The following ELK3 variants were observed in gnomAD, a reference collection of about 807,000 sequenced individuals.
ELK3 encodes the protein ETS domain-containing protein Elk-3.
A neutral mutation model predicts 28.9 loss-of-function variants in ELK3; 10 were observed. The ratio of observed to expected loss-of-function variants is 0.35; its 90% CI spans 0.21 to 0.59. ELK3 has a LOEUF of 0.59. Among genes scored for constraint, ELK3 ranks in the 20% least tolerant of loss-of-function variants. The probability of loss-of-function intolerance (pLI) is 0.82; values close to 1 mark genes in which losing one functional copy is unlikely to be tolerated. For missense variants in ELK3, 463 were observed against 517.3 expected, an observed-to-expected ratio of 0.90 and a Z score of 1.02; for synonymous variants, 272 against 243.5, an observed-to-expected ratio of 1.12 and a Z score of -1.09.
At chr12:96,197,986 C>T (rs2136996652) in intron 1 of ELK3, 1 of 152,232 alleles carries the variant, frequency 6.6e-6, no homozygotes. Context: ...TTTGTGTGTT[C>T]TGTGGGACCC....
At chr12:96,237,745 A>C (rs1160906922) in intron 2 of ELK3, among the ~76,000 whole-genome samples, 1 of 152,254 alleles carries the variant, frequency 6.6e-6, no homozygotes, top group Non-Finnish European at 1.5e-5. Context: ...CGTGCCTGTG[A>C]ATAGCCACTG....
intron 4 of ELK3, among the ~76,000 whole-genome samples, chr12:96,261,948 A>T (rs763423812): frequency 6.6e-6 from 1 of 152,172 alleles, no homozygotes; most frequent in Non-Finnish European, 1.5e-5. Flanking sequence ...GGTGAGTTAA[A>T]ATAAAGATTG....
chr12:96,206,392 C>G (rs1028861242), intron 1 of ELK3, among the ~76,000 whole-genome samples: 15 of 151,984 alleles, frequency 9.9e-5, no homozygotes, highest in Admixed American at 9.8e-4. Flanking sequence ...TCTCGGCTCA[C>G]CACAACTTCC....
At chr12:96,248,669 C>T (rs906692620) in intron 3 of ELK3, among the ~76,000 whole-genome samples, 3 of 152,120 alleles carry the variant, frequency 2.0e-5, no homozygotes, top group Admixed American at 2.0e-4. Flanking sequence ...GCATTGTTAA[C>T]CGTGGAGCTG....
chr12:96,233,419 C>T (rs1032444153), intron 2 of ELK3, among the ~76,000 whole-genome samples: 6 of 152,282 alleles, frequency 3.9e-5, no homozygotes, highest in Middle Eastern at 3.4e-3. Flanking sequence ...AAAATCCTCC[C>T]GTCTCCACAG....
chr12:96,223,625 A>G lies in ELK3; in HGVS notation c.59A>G (p.His20Arg), dbSNP rs762463518. Residue 20 changes from histidine to arginine, a missense_variant, in exon 2 of 5, where the codon CAT (histidine) becomes CGT (arginine). His to Arg is a conservative substitution (Grantham distance 29). Coordinates refer to ENST00000228741, the MANE Select transcript of ELK3 (RefSeq NM_005230.4). The stretch of plus-strand genomic sequence containing the variant: ...TTGCAGTTGCTGCTGGATCAGAAAC[A>G]TGAGCATTTGATCTGCTGGACCTCG... ...FLLQLLLDQK[H>R]EHLICWTSND... 5.0e-6 allele frequency: 8 copies of G among 1,614,196 alleles called. No individual in the cohort carries two copies. The East Asian group carries it at 1.1e-4, about 22-fold the overall frequency.
chr12:96,265,278 A>G (rs184591179), intron 4 of ELK3, among the ~76,000 whole-genome samples: 21 of 152,346 alleles, frequency 1.4e-4, no homozygotes, highest in Non-Finnish European at 2.8e-4. Flanking sequence ...TACAGAAATA[A>G]TAAGGGCAGA....
intron 1 of ELK3, among the ~76,000 whole-genome samples, chr12:96,203,487 G>A (rs1452390774): frequency 3.3e-5 from 5 of 152,174 alleles, no homozygotes; most frequent in African/African-American, 4.8e-5. Flanking sequence ...GGCACTCAAT[G>A]AATTAAAAAT....
At chr12:96,266,116 A>ATACCT (rs1477242848) in intron 4 of ELK3, among the ~76,000 whole-genome samples, 5 of 152,240 alleles carry the variant, frequency 3.3e-5, no homozygotes, top group Non-Finnish European at 5.9e-5. Flanking sequence ...ATCAAATGAA[A>ATACCT]TGACAAGCCT....
chr12:96,264,355 T>C (rs1055022359), intron 4 of ELK3, among the ~76,000 whole-genome samples: 5 of 152,190 alleles, frequency 3.3e-5, no homozygotes, highest in African/African-American at 2.4e-5. Context: ...ACACAGGATA[T>C]AATTAGAAGA....
At chr12:96,227,028 G>A (rs774970326) in intron 2 of ELK3, among the ~76,000 whole-genome samples, 5 of 152,188 alleles carry the variant, frequency 3.3e-5, no homozygotes, top group Admixed American at 6.5e-5. Context: ...TGCATTGCCC[G>A]TCTGTGACCG....
intron 2 of ELK3, among the ~76,000 whole-genome samples, chr12:96,229,669 C>T (rs1466360631): frequency 6.6e-6 from 1 of 151,484 alleles, no homozygotes; most frequent in Non-Finnish European, 1.5e-5. Context: ...GTAGCTGGGA[C>T]TACAGGCATG....
chr12:96,245,385 G>C (rs1592685588), intron 2 of ELK3, among the ~76,000 whole-genome samples: 1 of 152,272 alleles, frequency 6.6e-6, no homozygotes, highest in East Asian at 1.9e-4. Flanking sequence ...GTCGATCTTG[G>C]TGGTTCTTGG....
chr12:96,250,000 T>G (rs1447630095), intron 3 of ELK3, among the ~76,000 whole-genome samples: 1 of 152,040 alleles, frequency 6.6e-6, no homozygotes, highest in African/African-American at 2.4e-5. Flanking sequence ...GATGATTTAG[T>G]GCCAGGAAGC....
At chr12:96,197,211 C>T (rs1043978371) in intron 1 of ELK3, among the ~76,000 whole-genome samples, 9 of 152,112 alleles carry the variant, frequency 5.9e-5, no homozygotes, top group Non-Finnish European at 8.8e-5. Flanking sequence ...GGTTCATTTA[C>T]GTTAGTGGTT....
At chr12:96,222,199 T>C (rs965680298) in intron 1 of ELK3, among the ~76,000 whole-genome samples, 2 of 152,164 alleles carry the variant, frequency 1.3e-5, no homozygotes, top group African/African-American at 4.8e-5. Context: ...CAATACCTAT[T>C]GTCATGAAAG....
chr12:96,245,571 TA>T (rs1951849543), intron 2 of ELK3, among the ~76,000 whole-genome samples: 1 of 152,164 alleles, frequency 6.6e-6, no homozygotes, highest in South Asian at 2.1e-4. Flanking sequence ...GATCTTTTTT[TA>T]ATCCTCACTC....
intron 2 of ELK3, among the ~76,000 whole-genome samples, chr12:96,242,514 A>C (rs1484413611): frequency 6.6e-6 from 1 of 152,256 alleles, no homozygotes; most frequent in Non-Finnish European, 1.5e-5. Context: ...TCTTGGAAGG[A>C]AACTTCCCTC....
chr12:96,207,782 A>G (rs902685508), intron 1 of ELK3, among the ~76,000 whole-genome samples: 1 of 152,240 alleles, frequency 6.6e-6, no homozygotes, highest in African/African-American at 2.4e-5. Context: ...AAACCTTGAC[A>G]TGTTTTGGCA....
Sources: allele counts gnomAD v4.1 joint callset (sites outside exome capture counted in the v4.1 genomes callset), GRCh38; gene constraint gnomAD v4.1.1; transcripts MANE v1.5; gene names NCBI Gene and HGNC (gene_info 2026-07-23, HGNC 2026-07-21).